The following STX4 variants were observed in gnomAD, a reference collection of about 807,000 sequenced individuals.
The protein encoded by STX4 is syntaxin 4, also known as syntaxin-4.
A neutral mutation model predicts 41.8 loss-of-function variants in STX4; 24 were observed. The ratio of observed to expected loss-of-function variants is 0.57; its 90% CI spans 0.42 to 0.81. The LOEUF is 0.81. Among genes scored for constraint, STX4 ranks in the 30% least tolerant of loss-of-function variants. The pLI is 0.00. For missense variants in STX4, 316 were observed against 389.9 expected, an observed-to-expected ratio of 0.81 and a Z score of 1.60; for synonymous variants, 158 against 156.4, an observed-to-expected ratio of 1.01 and a Z score of -0.08.
upstream of STX4, chr16:31,033,144 C>G (rs765026897): frequency 3.4e-5 from 19 of 555,946 alleles, no homozygotes; most frequent in Non-Finnish European, 6.4e-5. The surrounding 1 kb of genome is among the most constrained non-coding windows in gnomAD (Gnocchi z 5.5). Flanking sequence ...CCCCTCCCCA[C>G]CTCGCGGGGG....
intron 4 of STX4, 87 bp from the exon 5 acceptor site, chr16:31,034,883 T>G: frequency 8.2e-7 from 1 of 1,224,388 alleles, no homozygotes; most frequent in East Asian, 2.5e-5. Flanking sequence ...TCTTAGAGGC[T>G]CAGCCTTAGT....
intron 4 of STX4, 35 bp downstream of exon 4, chr16:31,034,571 C>G: frequency 6.5e-7 from 1 of 1,528,474 alleles, no homozygotes; most frequent in Non-Finnish European, 8.8e-7. Context: ...ATCCTTCCCT[C>G]TGATCCTGCC....
rs1567388717 is a variant in STX4, at chr16:31,034,975, G to GTCT, written c.313_314insTCT (p.Glu105delinsValTer). On this transcript the variant is annotated stop_gained and protein_altering_variant, in exon 5 of 11. Coordinates refer to ENST00000313843, the MANE Select transcript of STX4 (RefSeq NM_004604.5). LOFTEE classifies it high-confidence loss of function. ...ACCCCTGTGTCTTCCCACAGCCATA[G>GTCT]AGCCCCAGAAGGAGGAAGCTGATGA... 6 of 1,606,020 alleles carry GTCT rather than the reference G, an allele frequency of 3.7e-6. No individual in the cohort carries two copies. Among genetic ancestry groups the GTCT allele is most frequent in the Non-Finnish European group, 5.1e-6 (6 of 1,177,286 alleles).
rs999348785 is a variant in STX4, at chr16:31,034,517, G to A, written c.288G>A (p.Glu96=). 2 of 1,599,558 alleles carry A rather than the reference G, an allele frequency of 1.3e-6. No individual in the cohort carries two copies. The highest frequency in any genetic ancestry group is 1.1e-5 in the South Asian group (1 of 89,346). ...LRDEIKQLGR[E]IRLQLKAIEP... is the part of the protein sequence containing the mutation. ...ATGAGATCAAACAGCTGGGGAGGGAGATCCGCCTGCAGCTGAAGGGTGAGC... is the reference window on the plus strand; with the variant it reads ...ATGAGATCAAACAGCTGGGGAGGGAAATCCGCCTGCAGCTGAAGGGTGAGC... The change falls in exon 4 of 11, where the codon GAG becomes GAA. Residue 96 remains glutamate (E), a synonymous_variant. Coordinates refer to ENST00000313843, the MANE Select transcript of STX4 (RefSeq NM_004604.5).
In STX4 at chr16:31,039,805, GT is replaced by G; in HGVS notation, c.*3del. 1 of 1,614,190 alleles carries G rather than the reference GT, an allele frequency of 6.2e-7. No homozygotes were observed. The highest frequency in any genetic ancestry group is 8.5e-7 in the Non-Finnish European group (1 of 1,180,018). ...ATTGGCGTCACAGTGGTTGGATAAT[GT>G]CGCACATTGTTGGTGAGATGTTGTG... On this transcript the variant is annotated 3_prime_UTR_variant, in exon 10 of 11. Coordinates refer to ENST00000313843, the MANE Select transcript of STX4 (RefSeq NM_004604.5). This position sits in a 1 kb window ranked among gnomAD's most constrained non-coding sequence, Gnocchi z 4.1.
At position 31,033,668 on chromosome 16, in the gene STX4, C is replaced by G; in HGVS notation, c.-138C>G. 1 of 1,442,586 alleles carries G rather than the reference C, an allele frequency of 6.9e-7. No homozygotes were observed. Among genetic ancestry groups the G allele is most frequent in the Non-Finnish European group, 9.1e-7 (1 of 1,099,902 alleles). The allele number at this position is 1,442,586 out of a possible 1,614,324, so 89.4% of individuals were successfully genotyped here. On this transcript the variant is annotated 5_prime_UTR_variant, in exon 1 of 11. Transcript: ENST00000313843. The surrounding 1 kb of genome is among the most constrained non-coding windows in gnomAD (Gnocchi z 5.5). ...CATTGACTGTGGGCGGTGCAAGGGA[C>G]GGAGCCTCTGGCGGCTCGTGGGGGT...
chr16:31,038,504 C>T lies in STX4; in HGVS notation c.565-6C>T, dbSNP rs750314346. The stretch of plus-strand genomic sequence containing the variant: ...AACAGTTGCCCCACTCCTGTCCACC[C>T]CCCAGATCCTGAAGGACACGCAGGT... On this transcript the variant is annotated splice_polypyrimidine_tract_variant and splice_region_variant and intron_variant, in intron 7 of 10. Transcript: ENST00000313843. The T allele has an allele frequency of 3.1e-6, 5 of 1,614,094 alleles. No individual in the cohort carries two copies. The Admixed American group carries it at 5.0e-5, about 16-fold the overall frequency.
intron 4 of STX4, 159 bp downstream of exon 4, chr16:31,034,695 T>A: frequency 3.6e-6 from 3 of 827,822 alleles, no homozygotes; most frequent in Non-Finnish European, 3.7e-6. Flanking sequence ...CATTGTACTC[T>A]CCACAGCACA....
chr16:31,038,534 C>T lies in STX4; in HGVS notation c.589C>T (p.Arg197Ter), dbSNP rs141062694. The T allele has an allele frequency of 8.4e-5, 135 of 1,614,132 alleles. No individual in the cohort carries two copies. Among genetic ancestry groups the T allele is most frequent in the Non-Finnish European group, 1.1e-4 (130 of 1,180,030 alleles). The change falls in exon 8 of 11, where the codon CGA becomes TGA. Residue 197 changes from arginine to a stop codon, truncating the protein, a stop_gained. Coordinates refer to ENST00000313843, the MANE Select transcript of STX4 (RefSeq NM_004604.5). LOFTEE classifies it high-confidence loss of function. ...SNILKDTQVT[R>*]QALNEISARH... ...GATCCTGAAGGACACGCAGGTGACT[C>T]GACAGGCCTTAAATGAGATCTCGGC...
At position 31,038,512 on chromosome 16, in the gene STX4, C is replaced by G. The variant is rs754597545; in HGVS notation, c.567C>G (p.Ile189Met). Residue 189 changes from isoleucine to methionine, a missense_variant and splice_region_variant, in exon 8 of 11, where the codon ATC becomes ATG. Coordinates refer to ENST00000313843, the MANE Select transcript of STX4 (RefSeq NM_004604.5). ...CCCCACTCCTGTCCACCCCCCAGAT[C>G]CTGAAGGACACGCAGGTGACTCGAC... The part of the protein sequence containing the change: ...SGQSEVFVSN[I>M]LKDTQVTRQA... 2.5e-6 allele frequency: 4 copies of G among 1,614,018 alleles called. No homozygotes were observed. Among genetic ancestry groups the G allele is most frequent in the African/African-American group, 1.3e-5 (1 of 74,908 alleles).
At position 31,039,620 on chromosome 16, in the gene STX4, C is replaced by T. The variant is rs142253791; in HGVS notation, c.782C>T (p.Thr261Met). 6 of 1,614,164 alleles carry T rather than the reference C, an allele frequency of 3.7e-6. No individual in the cohort carries two copies. The highest frequency in any genetic ancestry group is 3.3e-5 in the South Asian group (3 of 91,088). ...GAACGTGGGCAGGAGCACGTCAAGA[C>T]GGCCCTGGAGAACCAGAAGAAGGCG... is the stretch of plus-strand genomic sequence containing the variant. ...YVERGQEHVK[T>M]ALENQKKARK... is the part of the protein sequence containing the mutation. Residue 261 changes from threonine (T) to methionine (M), a missense_variant, in exon 9 of 11, where the codon ACG becomes ATG. Physicochemically the swap from Thr to Met is moderately conservative, Grantham distance 81 (BLOSUM62 -1). Coordinates refer to ENST00000313843, the MANE Select transcript of STX4 (RefSeq NM_004604.5). This position sits in a 1 kb window ranked among gnomAD's most constrained non-coding sequence, Gnocchi z 4.1.
At chr16:31,034,894 C>T in intron 4 of STX4, 76 bp from the exon 5 acceptor site, 2 of 1,301,110 alleles carry the variant, frequency 1.5e-6, no homozygotes, top group African/African-American at 1.5e-5. Flanking sequence ...CAGCCTTAGT[C>T]ATTTTATGAT....
intron 4 of STX4, chr16:31,034,743 A>G (rs2056786851): frequency 4.3e-6 from 3 of 693,142 alleles, no homozygotes; most frequent in East Asian, 5.9e-5. Flanking sequence ...CAATGAAACC[A>G]TTTACTTACA....
rs200038922 is a variant in STX4 at position 31,034,442 on chromosome 16, C to T, written c.233-20C>T. The stretch of plus-strand genomic sequence containing the variant: ...GAGGTGGGGGCTGCTGTTTGGGAGT[C>T]TTGGCCTTCTCTTATTCAGGCATGA... On this transcript the variant is annotated intron_variant, in intron 3 of 10. Coordinates refer to ENST00000313843, the MANE Select transcript of STX4 (RefSeq NM_004604.5). 6.3e-6 allele frequency: 10 copies of T among 1,598,930 alleles called. No individual in the cohort carries two copies. The East Asian group carries it at 2.0e-4, about 32-fold the overall frequency.
intron 5 of STX4, among the ~76,000 whole-genome samples, chr16:31,036,071 G>A (rs897328339): frequency 1.3e-5 from 2 of 152,022 alleles, no homozygotes; most frequent in Non-Finnish European, 2.9e-5. Context: ...GAGCCACCGC[G>A]CGCGGCCCCT....
chr16:31,038,044 G>A lies in STX4; in HGVS notation c.487+10G>A, dbSNP rs1167518955. ...AGGCAGCTGAAGATCAGTGAGTTGTGCATGCCCAGCCTGGCCCGCAGGGGC... is the reference window on the plus strand; with the variant it reads ...AGGCAGCTGAAGATCAGTGAGTTGTACATGCCCAGCCTGGCCCGCAGGGGC... On this transcript the variant is annotated intron_variant, in intron 6 of 10. Transcript: ENST00000313843. 1.2e-6 allele frequency: 2 copies of A among 1,614,182 alleles called. No individual in the cohort carries two copies. The highest frequency in any genetic ancestry group is 1.7e-6 in the Non-Finnish European group (2 of 1,180,008).
intron 5 of STX4, among the ~76,000 whole-genome samples, chr16:31,037,601 A>G (rs1290888145): frequency 1.3e-5 from 2 of 151,550 alleles, no homozygotes; most frequent in African/African-American, 4.8e-5. Context: ...CCAAGGTTGC[A>G]GTGAGCCGAG....
Position 31,033,682 on chromosome 16 carries a change from G to A in STX4, c.-124G>A. On this transcript the variant is annotated 5_prime_UTR_variant, in exon 1 of 11. Transcript: ENST00000313843. The surrounding 1 kb of genome is among the most constrained non-coding windows in gnomAD (Gnocchi z 5.5). Reference sequence around the variant, plus strand: ...GGTGCAAGGGACGGAGCCTCTGGCGGCTCGTGGGGGTGTTGGGGTCCGCAG... The same window carrying A: ...GGTGCAAGGGACGGAGCCTCTGGCGACTCGTGGGGGTGTTGGGGTCCGCAG... 1 of 1,446,756 alleles carries A rather than the reference G, an allele frequency of 6.9e-7. No homozygotes were observed. Among genetic ancestry groups the A allele is most frequent in the Non-Finnish European group, 9.1e-7 (1 of 1,102,626 alleles). The allele number at this position is 1,446,756 out of a possible 1,614,324, so 89.6% of individuals were successfully genotyped here.
Position 31,039,560 on chromosome 16 carries a change from T to G in STX4, c.722T>G (p.Ile241Ser). ...VEMQGEMINR[I>S]EKNILSSADY... Reference sequence around the variant, plus strand: ...GAGCAGGGGGAGATGATCAATCGGATTGAGAAGAACATCCTGAGCTCAGCG... The same window carrying G: ...GAGCAGGGGGAGATGATCAATCGGAGTGAGAAGAACATCCTGAGCTCAGCG... The change falls in exon 9 of 11, where the codon ATT becomes AGT. Residue 241 changes from isoleucine to serine, a missense_variant. Coordinates refer to ENST00000313843, the MANE Select transcript of STX4 (RefSeq NM_004604.5). The surrounding 1 kb of genome is among the most constrained non-coding windows in gnomAD (Gnocchi z 4.1). 2.5e-6 allele frequency: 4 copies of G among 1,614,064 alleles called. No homozygotes were observed. The highest frequency in any genetic ancestry group is 3.4e-6 in the Non-Finnish European group (4 of 1,180,014).
Sources: allele counts gnomAD v4.1 joint callset (sites outside exome capture counted in the v4.1 genomes callset), GRCh38; gene constraint gnomAD v4.1.1; non-coding constraint Gnocchi (gnomAD v3.1); transcripts MANE v1.5; gene names NCBI Gene and HGNC (gene_info 2026-07-23, HGNC 2026-07-21).